RASEF: variants seen among roughly 807,000 people sequenced by gnomAD.
The protein encoded by RASEF is RAS and EF-hand domain containing, also known as ras and EF-hand domain-containing protein.
Under a neutral mutation model 90.1 loss-of-function variants are expected in RASEF, and 68 were observed. The observed-to-expected ratio is 0.75, with a 90% CI of 0.62 to 0.92. The LOEUF is 0.92. Ranked by LOEUF, RASEF falls within the 40% of genes least tolerant of loss-of-function variation. The pLI is 0.00. For synonymous variants in RASEF, 331 were observed against 345.2 expected, an observed-to-expected ratio of 0.96 and a Z score of 0.46; for missense variants, 949 against 937.2, an observed-to-expected ratio of 1.01 and a Z score of -0.16.
intron 1 of RASEF, among the ~76,000 whole-genome samples, chr9:83,045,209 C>A (rs774817413): frequency 8.5e-5 from 13 of 152,270 alleles, no homozygotes; most frequent in Non-Finnish European, 1.8e-4. Flanking sequence ...ATACACACAT[C>A]TTATTGGTTC....
the RASEF span, among the ~76,000 whole-genome samples, chr9:83,068,574 T>C: frequency 6.6e-6 from 1 of 152,204 alleles, no homozygotes; most frequent in Admixed American, 6.5e-5. Context: ...CTGAATGAAC[T>C]TGGCAGAGGA....
the RASEF span, among the ~76,000 whole-genome samples, chr9:83,081,871 C>G: frequency 4.7e-4 from 71 of 152,248 alleles, no homozygotes; most frequent in African/African-American, 1.3e-3. Flanking sequence ...TGCAATGTAA[C>G]TGGTTTTGAA....
the RASEF span, among the ~76,000 whole-genome samples, chr9:83,169,371 A>T: frequency 6.7e-6 from 1 of 149,970 alleles, no homozygotes; most frequent in South Asian, 2.1e-4. Flanking sequence ...ACACACACAC[A>T]CACACACACA....
At chr9:83,119,784 T>C in the RASEF span, among the ~76,000 whole-genome samples, 2 of 152,192 alleles carry the variant, frequency 1.3e-5, no homozygotes, top group Non-Finnish European at 2.9e-5. Flanking sequence ...GTGCTGTTCT[T>C]ATGATAGTGA....
At chr9:83,167,828 T>C in the RASEF span, among the ~76,000 whole-genome samples, 2 of 152,178 alleles carry the variant, frequency 1.3e-5, no homozygotes, top group Non-Finnish European at 2.9e-5. Context: ...AGATTCATCA[T>C]GTATCAGTAC....
At chr9:83,100,004 T>C in the RASEF span, among the ~76,000 whole-genome samples, 1 of 152,230 alleles carries the variant, frequency 6.6e-6, no homozygotes, top group African/African-American at 2.4e-5. Flanking sequence ...CAACATTATG[T>C]ACATATTGTT....
At chr9:83,121,986 T>A in the RASEF span, among the ~76,000 whole-genome samples, 11 of 152,188 alleles carry the variant, frequency 7.2e-5, no homozygotes, top group Non-Finnish European at 1.6e-4. Flanking sequence ...GTAGAGTTGT[T>A]CTGGGGGTTA....
the RASEF span, chr9:83,202,104 T>G: frequency 2.8e-5 from 4 of 143,454 alleles, no homozygotes; most frequent in African/African-American, 1.0e-4. Context: ...TGCCCACCAA[T>G]AAATCCTACT....
intron 3 of RASEF, among the ~76,000 whole-genome samples, chr9:83,022,055 C>A (rs1829454472): frequency 6.6e-6 from 1 of 152,014 alleles, no homozygotes; most frequent in South Asian, 2.1e-4. Flanking sequence ...GGCCTCTTAC[C>A]CCCAACCTAA....
chr9:83,035,694 A>G (rs1048667430), intron 1 of RASEF, among the ~76,000 whole-genome samples: 3 of 152,194 alleles, frequency 2.0e-5, no homozygotes, highest in Non-Finnish European at 4.4e-5. Context: ...TGTTAGCGCA[A>G]GTAGGTATAT....
chr9:83,211,003 A>C, the RASEF span, among the ~76,000 whole-genome samples: 1 of 152,240 alleles, frequency 6.6e-6, no homozygotes, highest in African/African-American at 2.4e-5. Flanking sequence ...CATACTTTAC[A>C]ACATAGCCAG....
intron 7 of RASEF, 148 bp from the exon 8 acceptor site, chr9:83,005,648 A>G (rs1383486788): frequency 9.1e-6 from 6 of 658,820 alleles, no homozygotes; most frequent in Non-Finnish European, 1.4e-5. Context: ...TCAAACCTCA[A>G]AAACTGAGAT....
chr9:83,196,060 G>T, the RASEF span, among the ~76,000 whole-genome samples: 59 of 152,136 alleles, frequency 3.9e-4, no homozygotes, highest in Non-Finnish European at 7.9e-4. Context: ...TTACTTCAAG[G>T]TGTTTCGCCT....
the RASEF span, among the ~76,000 whole-genome samples, chr9:83,150,513 T>A: frequency 6.6e-6 from 1 of 152,138 alleles, no homozygotes; most frequent in African/African-American, 2.4e-5. Context: ...CAGATATATA[T>A]TTCTTATTAT....
the RASEF span, among the ~76,000 whole-genome samples, chr9:83,176,860 C>A: frequency 6.6e-6 from 1 of 151,990 alleles, no homozygotes; most frequent in African/African-American, 2.4e-5. Flanking sequence ...ATATTTATTA[C>A]TTTATATACT....
chr9:83,078,106 C>G, the RASEF span, among the ~76,000 whole-genome samples: 1 of 152,192 alleles, frequency 6.6e-6, no homozygotes, highest in Non-Finnish European at 1.5e-5. Flanking sequence ...TGAGGTGTCA[C>G]CCTCAACCCA....
intron 1 of RASEF, among the ~76,000 whole-genome samples, chr9:83,031,943 T>G (rs1257093339): frequency 6.6e-6 from 1 of 152,118 alleles, no homozygotes; most frequent in African/African-American, 2.4e-5. Context: ...GCCAAGAGAC[T>G]GTAACATAAC....
At chr9:83,210,607 G>A in the RASEF span, among the ~76,000 whole-genome samples, 13 of 152,234 alleles carry the variant, frequency 8.5e-5, no homozygotes, top group South Asian at 2.5e-3. Flanking sequence ...TTCTACAAAC[G>A]ATACCACTTA....
At chr9:83,162,888 G>A in the RASEF span, among the ~76,000 whole-genome samples, 31,376 of 152,118 alleles carry the variant, frequency 0.21, 3,377 homozygotes, top group African/African-American at 0.26. Context: ...CCCCACACAT[G>A]GTTGAACTTT....
Sources: gnomAD v4.1 joint callset for allele counts (sites outside exome capture counted in the v4.1 genomes callset) on GRCh38, gnomAD v4.1.1 for gene constraint, MANE v1.5 for transcripts, NCBI Gene and HGNC (gene_info 2026-07-23, HGNC 2026-07-21) for gene names.